Variants in FREM2 observed in about 807,000 individuals in gnomAD.
FREM2 encodes the protein FRAS1-related extracellular matrix protein 2.
Under a neutral mutation model 219.9 loss-of-function variants are expected in FREM2, and 119 were observed. That is an observed-to-expected ratio of 0.54 (90% confidence interval 0.47 to 0.63). FREM2 has a LOEUF of 0.63. Ranked by LOEUF, FREM2 falls within the 30% of genes least tolerant of loss-of-function variation. The pLI, the probability that FREM2 is intolerant of heterozygous loss-of-function variation, is 0.00. For missense variants in FREM2, 4,030 were observed against 3,993.6 expected (o/e 1.01, Z -0.25); for synonymous variants, 1,562 against 1,522.8 (o/e 1.03, Z -0.60).
intron 2 of FREM2, among the ~76,000 whole-genome samples, chr13:38,718,013 C>A (rs1184620760): frequency 6.6e-6 from 1 of 152,062 alleles, no homozygotes; most frequent in Non-Finnish European, 1.5e-5. Flanking sequence ...AATAACCAAC[C>A]AGAAAGAATC....
chr13:38,875,721 C>T (rs60047890), intron 18 of FREM2, among the ~76,000 whole-genome samples: 1 of 152,300 alleles, frequency 6.6e-6, no homozygotes, highest in African/African-American at 2.4e-5. Context: ...TAGCTCTGAA[C>T]AATTTGAGCA....
chr13:38,687,947 C>T lies in FREM2; in HGVS notation c.603C>T (p.Asp201=). The change falls in exon 1 of 24, where the codon GAC becomes GAT. Residue 201 remains aspartate (D), a synonymous_variant. Transcript: ENST00000280481. ...TGCTGGGGACCAGCAATGCCCTGGA[C>T]GCGCGGAGCCTGGAGTTCGCCTTCC... is the stretch of plus-strand genomic sequence containing the variant. ...EELLGTSNAL[D]ARSLEFAFQP... 2.5e-6 allele frequency: 4 copies of T among 1,607,968 alleles called. 1 individual carries two copies. The South Asian group carries it at 3.3e-5, about 13-fold the overall frequency.
intron 2 of FREM2, among the ~76,000 whole-genome samples, chr13:38,710,140 C>T (rs943877192): frequency 2.0e-5 from 3 of 151,772 alleles, no homozygotes; most frequent in Non-Finnish European, 4.4e-5. Flanking sequence ...GCCGAGATTG[C>T]GCGACTGCAC....
At chr13:38,822,672 C>T (rs1024969165) in intron 6 of FREM2, among the ~76,000 whole-genome samples, 6 of 152,046 alleles carry the variant, frequency 3.9e-5, no homozygotes, top group Admixed American at 2.6e-4. Context: ...TGCATGTTTT[C>T]TGTGATGTTG....
intron 2 of FREM2, among the ~76,000 whole-genome samples, chr13:38,749,745 G>A (rs1364646420): frequency 6.6e-6 from 1 of 151,966 alleles, no homozygotes; most frequent in Non-Finnish European, 1.5e-5. Flanking sequence ...ATTCCCCAAA[G>A]GGCAAAATTA....
chr13:38,687,096 T>C lies in FREM2; in HGVS notation c.-249T>C, dbSNP rs1869479510. The C allele has an allele frequency of 5.1e-6, 3 of 586,878 alleles. No individual in the cohort carries two copies. 36.4% of individuals were successfully genotyped at this position (586,878 alleles called of 1,614,324 possible). A position where few individuals can be genotyped will look rare whatever the true frequency, so the allele number is the denominator to read the frequency against. The stretch of plus-strand genomic sequence containing the variant: ...GAAAGTAGAAGTGGAGGGATTCAAT[T>C]CTCCGCGCGATTGAGGCGCTAGCGG... On this transcript the variant is annotated 5_prime_UTR_variant, in exon 1 of 24. Transcript: ENST00000280481.
chr13:38,776,016 C>T (rs1873856576), intron 4 of FREM2, among the ~76,000 whole-genome samples: 1 of 152,174 alleles, frequency 6.6e-6, no homozygotes, highest in Admixed American at 6.5e-5. Flanking sequence ...CACTTATTAT[C>T]ATGTGGTTTG....
intron 6 of FREM2, among the ~76,000 whole-genome samples, chr13:38,844,201 G>T (rs78064313): frequency 4.6e-5 from 7 of 152,050 alleles, no homozygotes; most frequent in African/African-American, 1.7e-4. Context: ...AATAGGCAAC[G>T]TAATAATGTT....
At position 38,850,120 on chromosome 13, in the gene FREM2, G is replaced by A. The variant is rs1306132213; in HGVS notation, c.6462G>A (p.Gly2154=). 3 of 1,613,422 alleles carry A rather than the reference G, an allele frequency of 1.9e-6. No individual in the cohort carries two copies. The highest frequency in any genetic ancestry group is 2.5e-6 in the Non-Finnish European group (3 of 1,179,360). ...GQIVTMIHRT[G]DVQYRSSVRC... ...TAGTTACAATGATCCATAGGACTGG[G>A]GATGTCCAGTACAGATCTTCAGTGA... The change falls in exon 9 of 24, where the codon GGG becomes GGA. Residue 2154 remains glycine (G), a synonymous_variant. Coordinates refer to ENST00000280481, the MANE Select transcript of FREM2 (RefSeq NM_207361.6).
rs777916027 is a variant in FREM2, at chr13:38,848,614, C to T, written c.6323C>T (p.Ala2108Val). Residue 2108 changes from alanine (A) to valine (V), a missense_variant, in exon 8 of 24, where the codon GCA (alanine) becomes GTA (valine). Ala to Val is a moderately conservative substitution (Grantham distance 64). Around this residue, in one of 2 missense-constraint regions of FREM2, gnomAD observed 3,102 missense variants for 2,950.7 expected, o/e 1.05. Transcript: ENST00000280481. The stretch of plus-strand genomic sequence containing the variant: ...CTGGTGCTTCGCATGCCTATGAACG[C>T]AGCCCTTGGCGAGCCCAGCAAAGCC... ...FELVLRMPMN[A>V]ALGEPSKATV... 2 of 1,614,022 alleles carry T rather than the reference C, an allele frequency of 1.2e-6. No homozygotes were observed. Among genetic ancestry groups the T allele is most frequent in the Admixed American group, 3.3e-5 (2 of 60,010 alleles).
intron 10 of FREM2, 113 bp downstream of exon 10, chr13:38,851,221 G>T: frequency 4.0e-6 from 4 of 997,204 alleles, no homozygotes; most frequent in Non-Finnish European, 6.1e-6. Flanking sequence ...TTATGACTAG[G>T]GTTTTTAAGC....
At chr13:38,718,680 T>A (rs184297720) in intron 2 of FREM2, among the ~76,000 whole-genome samples, 7,406 of 152,242 alleles carry the variant, frequency 0.049, 576 homozygotes, top group African/African-American at 0.17. Flanking sequence ...ACTCTAATAT[T>A]TTAAGAGATT....
In FREM2 at chr13:38,832,004, T is replaced by C. The variant is rs529468106; in HGVS notation, c.6020-14569T>C. ...TCATTTTTCAGAATGTATGTTTATG[T>C]AAAGTATTTATTGAAAGAAAAGTGA... On this transcript the variant is annotated intron_variant, in intron 6 of 23. Transcript: ENST00000280481. Among the ~76,000 whole-genome samples, 4 of 152,218 alleles carry C rather than the reference T, an allele frequency of 2.6e-5. No individual in the cohort carries two copies. The South Asian group carries it at 8.3e-4, about 32-fold the overall frequency.
intron 6 of FREM2, among the ~76,000 whole-genome samples, chr13:38,800,875 C>G (rs892125960): frequency 6.6e-6 from 1 of 152,136 alleles, no homozygotes; most frequent in African/African-American, 2.4e-5. Flanking sequence ...GGTGATCTGC[C>G]CATCTCAGCC....
intron 6 of FREM2, among the ~76,000 whole-genome samples, chr13:38,785,825 C>G (rs763081074): frequency 1.3e-5 from 2 of 152,120 alleles, no homozygotes; most frequent in Non-Finnish European, 2.9e-5. Context: ...AATTGATTTT[C>G]TTACTGATTT....
intron 2 of FREM2, among the ~76,000 whole-genome samples, chr13:38,726,099 G>A (rs9532271): frequency 0.12 from 18,274 of 152,138 alleles, 1,292 homozygotes; most frequent in Middle Eastern, 0.24. Flanking sequence ...GAGAGGCACC[G>A]GTGTTGGTTA....
In FREM2 at chr13:38,690,866, A is replaced by G. The variant is rs757866366; in HGVS notation, c.3522A>G (p.Ser1174=). The G allele has an allele frequency of 2.5e-6, 4 of 1,614,178 alleles. No individual in the cohort carries two copies. Among genetic ancestry groups the G allele is most frequent in the Non-Finnish European group, 3.4e-6 (4 of 1,180,024 alleles). The change falls in exon 1 of 24, where the codon TCA becomes TCG. Residue 1174 remains serine (S), a synonymous_variant. Transcript: ENST00000280481. ...VFRCSDGINF[S]ERQFFPIVII... ...GTTGTTCTGATGGCATTAACTTTTC[A>G]GAGAGACAGTTCTTCCCCATTGTAA...
At chr13:38,871,159 TACTATA>T (rs1287736488) in intron 16 of FREM2, among the ~76,000 whole-genome samples, 1 of 152,304 alleles carries the variant, frequency 6.6e-6, no homozygotes, top group South Asian at 2.1e-4. Flanking sequence ...CTAACTACTA[TACTATA>T]CAGCTAAGAA....
Position 38,688,257 on chromosome 13 carries a change from G to A in FREM2, c.913G>A (p.Val305Ile), listed in dbSNP as rs778649414. 4 of 1,614,034 alleles carry A rather than the reference G, an allele frequency of 2.5e-6. No individual in the cohort carries two copies. In the South Asian group the frequency reaches 3.3e-5, roughly 13 times the overall value. ...SPALKREHFQ[V>I]LVRIRGGAEN... is the part of the protein sequence containing the mutation. ...TGCTTTGAAACGCGAGCACTTCCAG[G>A]TTCTGGTGAGGATCCGAGGAGGGGC... Residue 305 changes from valine (V) to isoleucine (I), a missense_variant, in exon 1 of 24, where the codon GTT (valine) becomes ATT (isoleucine). Transcript: ENST00000280481.
Sources: allele counts gnomAD v4.1 joint callset (sites outside exome capture counted in the v4.1 genomes callset), GRCh38; gene constraint gnomAD v4.1.1; regional missense constraint gnomAD v4.1.1; transcripts MANE v1.5; gene names NCBI Gene and HGNC (gene_info 2026-07-23, HGNC 2026-07-21).